FMN1: variants seen among roughly 807,000 people sequenced by gnomAD.
The protein encoded by FMN1 is formin-1.
In FMN1, 110 loss-of-function variants were observed where a neutral mutation model predicts 132.4. The observed-to-expected ratio is 0.83, with a 90% CI of 0.71 to 0.97. The LOEUF (loss-of-function observed/expected upper bound fraction) is 0.97. FMN1 is among the 50% of genes least tolerant of loss of function. The probability of loss-of-function intolerance (pLI) is 0.00; values close to 1 mark genes in which losing one functional copy is unlikely to be tolerated. For missense variants in FMN1, 1,792 were observed against 1,705.3 expected, an observed-to-expected ratio of 1.05 and a Z score of -0.90; for synonymous variants, 722 against 651.7, an observed-to-expected ratio of 1.11 and a Z score of -1.64.
chr15:32,961,711 C>A (rs1161025497), intron 9 of FMN1, among the ~76,000 whole-genome samples: 1 of 151,948 alleles, frequency 6.6e-6, no homozygotes, highest in African/African-American at 2.4e-5. Flanking sequence ...ATGGATTACC[C>A]CATTGAATAA....
At chr15:33,073,896 A>C (rs1192021587) in intron 5 of FMN1, among the ~76,000 whole-genome samples, 1 of 151,958 alleles carries the variant, frequency 6.6e-6, no homozygotes, top group Admixed American at 6.6e-5. Flanking sequence ...ACGACCGACT[A>C]ATTTTTGTAT....
intron 17 of FMN1, among the ~76,000 whole-genome samples, chr15:32,846,908 G>A (rs2058870254): frequency 6.6e-6 from 1 of 152,112 alleles, no homozygotes; most frequent in Non-Finnish European, 1.5e-5. Context: ...TGTCCTCCTA[G>A]TTTTTCCAAA....
intron 9 of FMN1, among the ~76,000 whole-genome samples, chr15:32,959,855 A>C (rs2140560337): frequency 6.6e-6 from 1 of 152,354 alleles, no homozygotes; most frequent in South Asian, 2.1e-4. Context: ...GGAGAGAAAC[A>C]AAAAGAGTAA....
At chr15:32,832,371 C>T (rs1449283993) in intron 17 of FMN1, among the ~76,000 whole-genome samples, 1 of 152,166 alleles carries the variant, frequency 6.6e-6, no homozygotes. Flanking sequence ...CTGTAATTTG[C>T]AAAGGAGCTA....
rs1170465869 is a variant in FMN1 at position 33,154,149 on chromosome 15, C to T, written c.766G>A (p.Ala256Thr). 6.5e-7 allele frequency: 1 copy of T among 1,536,434 alleles called. No homozygotes were observed. Among genetic ancestry groups the T allele is most frequent in the Admixed American group, 2.0e-5 (1 of 51,004 alleles). ...TDLGFGSFET[A>T]FKDTGLGREV... is the part of the protein sequence containing the mutation. The stretch of plus-strand genomic sequence containing the variant: ...CTTCCAAGCCCAGTGTCCTTGAAAG[C>T]CGTCTCAAAGCTCCCAAAGCCAAGG... Residue 256 changes from alanine (A) to threonine (T), a missense_variant, in exon 4 of 21, where the codon GCT becomes ACT. This residue lies in a region of FMN1 where 638 missense variants were observed against 645.2 expected (regional missense o/e 0.99). Coordinates refer to ENST00000616417, the MANE Select transcript of FMN1 (RefSeq NM_001277313.2).
intron 3 of FMN1, among the ~76,000 whole-genome samples, chr15:33,177,563 G>T (rs377551304): frequency 3.9e-5 from 6 of 152,134 alleles, no homozygotes; most frequent in South Asian, 2.1e-4. Context: ...CCCCTGCAAA[G>T]AAATGAAACC....
intron 6 of FMN1, among the ~76,000 whole-genome samples, chr15:33,041,385 C>A (rs1160446561): frequency 1.0e-5 from 1 of 96,396 alleles, no homozygotes; most frequent in African/African-American, 3.9e-5. Context: ...ACGTTCCTCA[C>A]CAGTTAAAAA....
intron 6 of FMN1, among the ~76,000 whole-genome samples, chr15:33,015,256 C>G (rs1421789919): frequency 6.6e-6 from 1 of 152,158 alleles, no homozygotes; most frequent in Non-Finnish European, 1.5e-5. Flanking sequence ...ATCCTATTAC[C>G]AGAATCACTC....
chr15:33,082,052 TG>T (rs879389736), intron 5 of FMN1, among the ~76,000 whole-genome samples: 345 of 132,176 alleles, frequency 2.6e-3, no homozygotes, highest in African/African-American at 3.4e-3. Context: ...TGTGTGTGTG[TG>T]TAAGACGGAG....
chr15:32,954,983 AAAAC>A (rs1457943337), intron 9 of FMN1, among the ~76,000 whole-genome samples: 7 of 152,202 alleles, frequency 4.6e-5, no homozygotes, highest in African/African-American at 1.4e-4. Context: ...TTTTTGTCTC[AAAAC>A]AAACAAAAAA....
At chr15:33,162,785 A>C (rs1056923886) in intron 3 of FMN1, among the ~76,000 whole-genome samples, 1 of 152,214 alleles carries the variant, frequency 6.6e-6, no homozygotes, top group African/African-American at 2.4e-5. Context: ...GCTGGGGACA[A>C]CATCAAATTC....
In FMN1 at chr15:33,064,060, A is replaced by G. The variant is rs139843823; in HGVS notation, c.2161+897T>C. On this transcript the variant is annotated intron_variant, in intron 6 of 20. Transcript: ENST00000616417. ...AGATTCAACTGCCAGTGTGTTCTCA[A>G]TCACTGGAGTAATTTGATATTATGG... The G allele has an allele frequency of 9.8e-5, 15 of 152,354 alleles. No individual in the cohort carries two copies. In the East Asian group the frequency reaches 2.9e-3, roughly 29 times the overall value. 9.4% of individuals were successfully genotyped at this position (152,354 alleles called of 1,614,324 possible).
intron 5 of FMN1, among the ~76,000 whole-genome samples, chr15:33,071,909 T>C (rs1160270602): frequency 6.6e-6 from 1 of 152,216 alleles, no homozygotes; most frequent in African/African-American, 2.4e-5. Flanking sequence ...TCTTGGACAT[T>C]ATCTCAGTAT....
intron 4 of FMN1, among the ~76,000 whole-genome samples, chr15:33,099,675 G>A (rs2039220036): frequency 6.6e-6 from 1 of 152,166 alleles, no homozygotes; most frequent in Admixed American, 6.5e-5. Context: ...AAGGAGCTGT[G>A]TTGATATATT....
At chr15:32,844,857 G>C (rs1400958718) in intron 17 of FMN1, among the ~76,000 whole-genome samples, 1 of 152,196 alleles carries the variant, frequency 6.6e-6, no homozygotes. Context: ...CAACAGCAGC[G>C]GCTGATATAC....
chr15:33,039,003 T>A (rs149528608), intron 6 of FMN1, among the ~76,000 whole-genome samples: 1 of 152,180 alleles, frequency 6.6e-6, no homozygotes, highest in Admixed American at 6.6e-5. Context: ...TCCAGATATC[T>A]GAATTAAAAC....
chr15:32,886,959 C>T (rs2059910634), intron 16 of FMN1, among the ~76,000 whole-genome samples: 1 of 152,140 alleles, frequency 6.6e-6, no homozygotes, highest in African/African-American at 2.4e-5. Flanking sequence ...CTAAAGGAAG[C>T]ATCCATTTGT....
chr15:33,124,245 TTA>T (rs888910008), intron 4 of FMN1, among the ~76,000 whole-genome samples: 5 of 148,022 alleles, frequency 3.4e-5, no homozygotes, highest in African/African-American at 1.3e-4. Flanking sequence ...GAAACAGATG[TTA>T]TGTGGAGGAA....
intron 6 of FMN1, among the ~76,000 whole-genome samples, chr15:33,025,791 G>GA (rs1008747065): frequency 2.0e-5 from 3 of 151,858 alleles, no homozygotes; most frequent in Non-Finnish European, 2.9e-5. Flanking sequence ...ATTTTAAAAA[G>GA]AAAAAAATCT....
Sources: gnomAD v4.1 joint callset for allele counts (sites outside exome capture counted in the v4.1 genomes callset) on GRCh38, gnomAD v4.1.1 for gene constraint, gnomAD v4.1.1 regional missense constraint, MANE v1.5 for transcripts, NCBI Gene and HGNC (gene_info 2026-07-23, HGNC 2026-07-21) for gene names.